Variants in FOCAD observed in about 807,000 individuals in gnomAD.
The protein encoded by FOCAD is focadhesin.
Under a neutral mutation model 225.6 loss-of-function variants are expected in FOCAD, and 198 were observed. That is an observed-to-expected ratio of 0.88 (90% CI 0.78 to 0.99). The LOEUF is 0.99. Among genes scored for constraint, FOCAD ranks in the 50% least tolerant of loss-of-function variants. The probability of loss-of-function intolerance (pLI) is 0.00; values close to 1 mark genes in which losing one functional copy is unlikely to be tolerated. For missense variants in FOCAD, 2,713 were observed against 2,123.6 expected (o/e 1.28, Z -5.46); for synonymous variants, 897 against 755.0 (o/e 1.19, Z -3.08).
At chr9:20,796,712 T>A (rs1821152666) in intron 11 of FOCAD, among the ~76,000 whole-genome samples, 1 of 152,230 alleles carries the variant, frequency 6.6e-6, no homozygotes, top group Non-Finnish European at 1.5e-5. Flanking sequence ...ATTCTGGGTA[T>A]TAGCCCTTTG....
At chr9:20,986,491 A>G in intron 40 of FOCAD, 26 bp downstream of exon 40, 1 of 1,566,774 alleles carries the variant, frequency 6.4e-7, no homozygotes, top group South Asian at 1.2e-5. Flanking sequence ...GGTGAACATC[A>G]GAAACAGGAA....
At chr9:20,930,331 A>G (rs1048087805) in intron 27 of FOCAD, among the ~76,000 whole-genome samples, 1 of 152,178 alleles carries the variant, frequency 6.6e-6, no homozygotes, top group African/African-American at 2.4e-5. Context: ...AATTCTTAGA[A>G]TTTTATATAT....
At chr9:20,921,699 A>T (rs1834450712) in intron 24 of FOCAD, among the ~76,000 whole-genome samples, 1 of 152,216 alleles carries the variant, frequency 6.6e-6, no homozygotes, top group African/African-American at 2.4e-5. Flanking sequence ...AACCAAATAT[A>T]TTATTACCAG....
At chr9:20,760,534 AC>A (rs1015746492) in intron 6 of FOCAD, among the ~76,000 whole-genome samples, 7 of 152,068 alleles carry the variant, frequency 4.6e-5, no homozygotes, top group African/African-American at 1.4e-4. Context: ...CCATGTTTTT[AC>A]TTACTGGTAT....
intron 15 of FOCAD, among the ~76,000 whole-genome samples, chr9:20,829,719 G>A (rs1008311811): frequency 6.6e-6 from 1 of 152,064 alleles, no homozygotes; most frequent in African/African-American, 2.4e-5. Context: ...TCAAACCATA[G>A]GAGAGATCAG....
intron 29 of FOCAD, among the ~76,000 whole-genome samples, chr9:20,946,271 C>T (rs1017167540): frequency 2.0e-5 from 3 of 152,182 alleles, no homozygotes; most frequent in Non-Finnish European, 4.4e-5. Flanking sequence ...TGTTTCACTT[C>T]TTTGAATTTC....
At chr9:20,852,810 A>G (rs1000001428) in intron 15 of FOCAD, among the ~76,000 whole-genome samples, 1 of 151,586 alleles carries the variant, frequency 6.6e-6, no homozygotes, top group Non-Finnish European at 1.5e-5. Flanking sequence ...TAGATGGATG[A>G]TATTTTTATT....
At chr9:20,665,150 A>G (rs1227872183) in intron 2 of FOCAD, among the ~76,000 whole-genome samples, 1 of 152,214 alleles carries the variant, frequency 6.6e-6, no homozygotes, top group South Asian at 2.1e-4. Context: ...TTACTGGCTT[A>G]GAGACTGCTA....
intron 21 of FOCAD, among the ~76,000 whole-genome samples, chr9:20,895,604 T>C (rs534882442): frequency 6.6e-6 from 1 of 151,998 alleles, no homozygotes; most frequent in Non-Finnish European, 1.5e-5. Context: ...TGTAGGTTTA[T>C]ACATAAGTAT....
intron 28 of FOCAD, among the ~76,000 whole-genome samples, chr9:20,940,838 A>G (rs1444475448): frequency 6.6e-6 from 1 of 152,136 alleles, no homozygotes; most frequent in East Asian, 1.9e-4. Context: ...CTTCAAAGCC[A>G]TTTTTCTTTC....
intron 4 of FOCAD, among the ~76,000 whole-genome samples, chr9:20,721,696 C>T (rs765832570): frequency 6.6e-6 from 1 of 151,980 alleles, no homozygotes; most frequent in Non-Finnish European, 1.5e-5. Flanking sequence ...AGTGAAATTC[C>T]ATCTTAACAA....
chr9:20,873,281 C>A (rs1161622102), intron 18 of FOCAD, among the ~76,000 whole-genome samples: 1 of 152,136 alleles, frequency 6.6e-6, no homozygotes. Context: ...CAGAAGAACT[C>A]AGAACCAACT....
At chr9:20,926,661 T>C (rs1834977871) in intron 26 of FOCAD, among the ~76,000 whole-genome samples, 1 of 151,878 alleles carries the variant, frequency 6.6e-6, no homozygotes, top group African/African-American at 2.4e-5. Flanking sequence ...CACATGCCTG[T>C]AATCCCAGCT....
chr9:20,802,939 A>G (rs1286015876), intron 11 of FOCAD, among the ~76,000 whole-genome samples: 1 of 152,178 alleles, frequency 6.6e-6, no homozygotes, highest in African/African-American at 2.4e-5. Flanking sequence ...TTGTTACAGT[A>G]TATATGTGAA....
At chr9:20,676,084 A>G (rs142456222) in intron 2 of FOCAD, among the ~76,000 whole-genome samples, 1 of 152,352 alleles carries the variant, frequency 6.6e-6, no homozygotes, top group African/African-American at 2.4e-5. Context: ...GAAAAAGCTT[A>G]GTTGGACAAA....
chr9:20,814,689 ATTTTTT>A (rs989826315), intron 11 of FOCAD, among the ~76,000 whole-genome samples: 1 of 151,760 alleles, frequency 6.6e-6, no homozygotes, highest in Non-Finnish European at 1.5e-5. Flanking sequence ...TTCTATGTGT[ATTTTTT>A]TTATGGTTGC....
chr9:20,765,179 A>G, intron 7 of FOCAD, 106 bp downstream of exon 7: 2 of 932,708 alleles, frequency 2.1e-6, no homozygotes, highest in South Asian at 1.8e-5. Context: ...AAACTCAGAC[A>G]TGATCCTCGC....
Position 20,888,677 on chromosome 9 carries a change from G to A in FOCAD, c.2625+3447G>A, listed in dbSNP as rs139410088. The stretch of plus-strand genomic sequence containing the variant: ...TTGAAATGTAATGCCTACATGTTGC[G>A]GTAGGAACCCAGTGGGAGGTGACTG... On this transcript the variant is annotated intron_variant, in intron 21 of 43. Coordinates refer to ENST00000338382, the MANE Select transcript of FOCAD (RefSeq NM_001375567.1). Among the ~76,000 whole-genome samples, 121 of 152,074 alleles carry A rather than the reference G, an allele frequency of 8.0e-4. 1 individual carries two copies. In the East Asian group the frequency reaches 0.021, roughly 26 times the overall value.
chr9:20,979,794 T>C (rs1027384810), intron 37 of FOCAD, among the ~76,000 whole-genome samples: 3 of 152,254 alleles, frequency 2.0e-5, no homozygotes, highest in Admixed American at 2.0e-4. Flanking sequence ...GAGCCCTTGC[T>C]GTGCACCTGG....
Sources: allele counts gnomAD v4.1 joint callset (sites outside exome capture counted in the v4.1 genomes callset), GRCh38; gene constraint gnomAD v4.1.1; transcripts MANE v1.5; gene names NCBI Gene and HGNC (gene_info 2026-07-23, HGNC 2026-07-21).